EVI5: variants seen among roughly 807,000 people sequenced by gnomAD.
EVI5 encodes the protein ecotropic viral integration site 5, also known as ecotropic viral integration site 5 protein homolog.
In EVI5, 73 loss-of-function variants were observed where a neutral mutation model predicts 112.0. The observed-to-expected ratio is 0.65, with a 90% CI of 0.54 to 0.79. EVI5 has a LOEUF of 0.79. EVI5 is among the 30% of genes least tolerant of loss of function. EVI5 has a pLI of 0.00. For synonymous variants in EVI5, 305 were observed against 319.9 expected (o/e 0.95, Z 0.50); for missense variants, 900 against 968.8 (o/e 0.93, Z 0.94).
chr1:92,548,076 A>G (rs1166787080), intron 19 of EVI5, among the ~76,000 whole-genome samples: 1 of 152,242 alleles, frequency 6.6e-6, no homozygotes, highest in African/African-American at 2.4e-5. Context: ...ATCCCTGATG[A>G]ACATCAATGT....
At chr1:92,695,512 T>TTTTATCTAG in intron 6 of EVI5, 59 bp from the exon 7 acceptor site, 2 of 1,150,920 alleles carry the variant, frequency 1.7e-6, no homozygotes, top group Non-Finnish European at 2.5e-6. Context: ...TAAATTAGAT[T>TTTTATCTAG]ATATTTATAC....
chr1:92,552,651 T>G (rs1282420712), intron 19 of EVI5, among the ~76,000 whole-genome samples: 1 of 152,238 alleles, frequency 6.6e-6, no homozygotes, highest in Non-Finnish European at 1.5e-5. Context: ...GAGTATCAGA[T>G]TCAAATCCCT....
chr1:92,741,129 A>G (rs1011038208), intron 1 of EVI5, among the ~76,000 whole-genome samples: 2 of 152,270 alleles, frequency 1.3e-5, no homozygotes, highest in Non-Finnish European at 2.9e-5. Flanking sequence ...GAAATGCTAT[A>G]AAGTAGGTAT....
At chr1:92,779,494 C>T (rs1570937876) in intron 1 of EVI5, among the ~76,000 whole-genome samples, 2 of 151,924 alleles carry the variant, frequency 1.3e-5, no homozygotes, top group African/African-American at 2.4e-5. Context: ...TGCACTCTAG[C>T]CTGGGTGGCT....
intron 19 of EVI5, among the ~76,000 whole-genome samples, chr1:92,543,282 T>C (rs1208863796): frequency 2.0e-5 from 3 of 152,234 alleles, no homozygotes; most frequent in East Asian, 1.9e-4. Context: ...CTTGTACTTT[T>C]ATGTGACGGA....
rs148890784 is a variant in EVI5, at chr1:92,728,965, T to C, written c.149+7433A>G. Among the ~76,000 whole-genome samples, 1,029 of 152,284 alleles carry C rather than the reference T, an allele frequency of 6.8e-3. 11 individuals are homozygous for C. Among genetic ancestry groups the C allele is most frequent in the African/African-American group, 0.023 (947 of 41,560 alleles). On this transcript the variant is annotated intron_variant, in intron 2 of 19. Transcript: ENST00000684568. ...CACAGTGATTGCATTCAACCCACCCTTATTTTACTTAATAACGGCCCCAAA... is the reference window on the plus strand; with the variant it reads ...CACAGTGATTGCATTCAACCCACCCCTATTTTACTTAATAACGGCCCCAAA...
intron 14 of EVI5, among the ~76,000 whole-genome samples, chr1:92,627,962 G>A (rs1413887797): frequency 2.6e-5 from 4 of 151,974 alleles, no homozygotes; most frequent in African/African-American, 9.7e-5. Context: ...CTAATTTTTT[G>A]TATTTTTAGT....
chr1:92,629,453 T>C (rs934403005), intron 14 of EVI5, among the ~76,000 whole-genome samples: 1 of 152,166 alleles, frequency 6.6e-6, no homozygotes, highest in African/African-American at 2.4e-5. Flanking sequence ...GAGTTTGTAA[T>C]CTAGAACTTT....
At chr1:92,685,498 G>GTT (rs1292008288) in intron 9 of EVI5, among the ~76,000 whole-genome samples, 11 of 152,048 alleles carry the variant, frequency 7.2e-5, no homozygotes, top group Admixed American at 3.9e-4. Flanking sequence ...AAGAACTAGA[G>GTT]AAGCAAGAGC....
At chr1:92,678,029 C>A (rs895376582) in intron 9 of EVI5, among the ~76,000 whole-genome samples, 2 of 152,034 alleles carry the variant, frequency 1.3e-5, no homozygotes, top group Non-Finnish European at 1.5e-5. Context: ...AAGATGGGAA[C>A]AACAGATACT....
chr1:92,646,459 G>C (rs561326097), intron 13 of EVI5, among the ~76,000 whole-genome samples: 2 of 152,124 alleles, frequency 1.3e-5, no homozygotes, highest in Non-Finnish European at 2.9e-5. Flanking sequence ...TTATATTACC[G>C]TTTGTAGAAA....
intron 19 of EVI5, among the ~76,000 whole-genome samples, chr1:92,556,545 T>C (rs541454939): frequency 6.6e-6 from 1 of 152,338 alleles, no homozygotes; most frequent in Admixed American, 6.5e-5. Context: ...ACATGTTATA[T>C]GTCTTTCACT....
chr1:92,573,516 C>A (rs1670611517), intron 18 of EVI5, among the ~76,000 whole-genome samples: 1 of 151,974 alleles, frequency 6.6e-6, no homozygotes, highest in Non-Finnish European at 1.5e-5. Flanking sequence ...CCTTTAACTA[C>A]CCCCACCATG....
intron 19 of EVI5, among the ~76,000 whole-genome samples, chr1:92,528,258 A>T (rs960981656): frequency 8.5e-5 from 13 of 152,222 alleles, no homozygotes; most frequent in South Asian, 4.1e-4. Context: ...AACTGGTATA[A>T]GCACTTTGGA....
chr1:92,547,098 C>A (rs376456340), intron 19 of EVI5, among the ~76,000 whole-genome samples: 2 of 152,258 alleles, frequency 1.3e-5, no homozygotes, highest in East Asian at 1.9e-4. Context: ...ATAGTTGGAA[C>A]TAAAGCACTC....
In EVI5 at chr1:92,512,307, C is replaced by T. The variant is rs970504002; in HGVS notation, c.*1349G>A. 1 of 152,546 alleles carries T rather than the reference C, an allele frequency of 6.6e-6. No homozygotes were observed. Among genetic ancestry groups the T allele is most frequent in the Admixed American group, 6.5e-5 (1 of 15,276 alleles). 9.4% of individuals were successfully genotyped at this position (152,546 alleles called of 1,614,324 possible). On this transcript the variant is annotated 3_prime_UTR_variant, in exon 20 of 20. Coordinates refer to ENST00000684568, the MANE Select transcript of EVI5 (RefSeq NM_001350197.2). ...CTTAGCCCATTGCTTAAATTATATT[C>T]AGTAGAATATTAGCACTAACTAATA...
At chr1:92,677,304 CATAAA>C in intron 9 of EVI5, 86 bp from the exon 10 acceptor site, 1 of 654,176 alleles carries the variant, frequency 1.5e-6, no homozygotes, top group Non-Finnish European at 2.5e-6. Context: ...TACATATGAA[CATAAA>C]ATACAATTTC....
intron 2 of EVI5, 48 bp downstream of exon 2, chr1:92,736,350 G>A (rs757816112): frequency 8.0e-7 from 1 of 1,246,950 alleles, no homozygotes; most frequent in South Asian, 1.3e-5. Flanking sequence ...AATATGAATG[G>A]CTGGATTTGT....
At chr1:92,565,457 A>T (rs1350758678) in intron 18 of EVI5, among the ~76,000 whole-genome samples, 1 of 152,196 alleles carries the variant, frequency 6.6e-6, no homozygotes, top group Non-Finnish European at 1.5e-5. Context: ...AGGTTTTTTT[A>T]AAAGCAGGTT....
Sources: allele counts gnomAD v4.1 joint callset (sites outside exome capture counted in the v4.1 genomes callset), GRCh38; gene constraint gnomAD v4.1.1; transcripts MANE v1.5; gene names NCBI Gene and HGNC (gene_info 2026-07-23, HGNC 2026-07-21).